Variants in GSTM3 observed in about 807,000 individuals in gnomAD.
GSTM3 encodes the protein GST class-mu 3.
In GSTM3, 34 loss-of-function variants were observed where a neutral mutation model predicts 36.1. That is an observed-to-expected ratio of 0.94 (90% CI 0.72 to 1.25). The LOEUF is 1.25. GSTM3 is among the 50% of genes most tolerant of loss of function. GSTM3 has a pLI of 0.00. For synonymous variants in GSTM3, 102 were observed against 99.5 expected (o/e 1.03, Z -0.15); for missense variants, 266 against 281.6 (o/e 0.94, Z 0.40).
chr1:109,737,144 A>G lies in GSTM3; in HGVS notation c.605T>C (p.Leu202Ser). 6.2e-7 allele frequency: 1 copy of G among 1,613,746 alleles called. No homozygotes were observed. Among genetic ancestry groups the G allele is most frequent in the Non-Finnish European group, 8.5e-7 (1 of 1,179,626 alleles). Reference sequence around the variant, plus strand: ...CATCTTGCAGAACTGATCAGACTGTAAGTAGGCAGCGATTTTCTCCAAAGC... The same window carrying G: ...CATCTTGCAGAACTGATCAGACTGTGAGTAGGCAGCGATTTTCTCCAAAGC... ...FEALEKIAAY[L>S]QSDQFCKMPI... The change falls in exon 9 of 9, where the codon TTA (leucine) becomes TCA (serine). Residue 202 changes from leucine to serine, a missense_variant. Leu to Ser is a moderately radical substitution (Grantham distance 145). Transcript: ENST00000361066.
intron 3 of GSTM3, 55 bp downstream of exon 3, chr1:109,739,778 G>T: frequency 1.5e-6 from 2 of 1,342,774 alleles, no homozygotes; most frequent in Non-Finnish European, 2.1e-6. Context: ...GGCGTAAGAA[G>T]ACCAGGGCAG....
chr1:109,738,479 T>G (rs1484024422), intron 4 of GSTM3, 113 bp from the exon 5 acceptor site: 3 of 705,146 alleles, frequency 4.3e-6, no homozygotes, highest in Non-Finnish European at 7.5e-6. Flanking sequence ...GAGAAGATGC[T>G]GTGTTAGGAG....
chr1:109,739,766 T>C (rs780815230), intron 3 of GSTM3, 67 bp downstream of exon 3: 1 of 1,245,764 alleles, frequency 8.0e-7, no homozygotes, highest in South Asian at 1.3e-5. Flanking sequence ...CACCACCCTC[T>C]GGGCGTAAGA....
At position 109,736,890 on chromosome 1, in the gene GSTM3, G is replaced by C; in HGVS notation, c.*181C>G. The C allele has an allele frequency of 1.8e-6, 1 of 569,400 alleles. No homozygotes were observed. Among genetic ancestry groups the C allele is most frequent in the East Asian group, 3.0e-5 (1 of 33,540 alleles). The allele number at this position is 569,400 out of a possible 1,614,324, so 35.3% of individuals were successfully genotyped here. A position where few individuals can be genotyped will look rare whatever the true frequency, so the allele number is the denominator to read the frequency against. ...AGTAGGGAAATGCCAGTATCGCAGC[G>C]ATTCAATTCATATCTTGATGATTCT... On this transcript the variant is annotated 3_prime_UTR_variant, in exon 9 of 9. Transcript: ENST00000361066.
rs761078903 is a variant in GSTM3, at chr1:109,737,353, T to A, written c.579+104A>T. The stretch of plus-strand genomic sequence containing the variant: ...AGGTCTAGAGGTGTCCAACCATTGA[T>A]CCCATTAGGCAAAAGCCGGGGAAGA... On this transcript the variant is annotated intron_variant, in intron 8 of 8. Coordinates refer to ENST00000361066, the MANE Select transcript of GSTM3 (RefSeq NM_000849.5). The A allele has an allele frequency of 1.4e-5, 12 of 870,728 alleles. No individual in the cohort carries two copies. In the African/African-American group the frequency reaches 2.0e-4, roughly 14 times the overall value. 53.9% of individuals were successfully genotyped at this position (870,728 alleles called of 1,614,324 possible).
chr1:109,734,085 A>G lies in GSTM3; in HGVS notation c.*2986T>C, dbSNP rs1649140599. On this transcript the variant is annotated 3_prime_UTR_variant, in exon 9 of 9. Coordinates refer to ENST00000361066, the MANE Select transcript of GSTM3 (RefSeq NM_000849.5). The stretch of plus-strand genomic sequence containing the variant: ...GTCTTCTGTGGGTTTTGCCCAGATG[A>G]GAGAAGTAACATTTTCTTCTTGGGG... 1 of 152,212 alleles carries G rather than the reference A, an allele frequency of 6.6e-6. No individual in the cohort carries two copies. Among genetic ancestry groups the G allele is most frequent in the Non-Finnish European group, 1.5e-5 (1 of 68,040 alleles). 9.4% of individuals were successfully genotyped at this position (152,212 alleles called of 1,614,324 possible). A position where few individuals can be genotyped will look rare whatever the true frequency, so the allele number is the denominator to read the frequency against.
intron 4 of GSTM3, 151 bp downstream of exon 4, chr1:109,739,278 C>A (rs184993934): frequency 3.8e-6 from 2 of 531,784 alleles, no homozygotes; most frequent in Admixed American, 2.5e-5. Flanking sequence ...AAATACATAT[C>A]CATCCAGTTC....
chr1:109,740,096 G>A, intron 2 of GSTM3, 144 bp downstream of exon 2: 1 of 910,444 alleles, frequency 1.1e-6, no homozygotes. Flanking sequence ...CCCAGAGGCT[G>A]GGCAGGGGTC....
At chr1:109,740,077 G>T in intron 2 of GSTM3, 163 bp downstream of exon 2, 2 of 876,346 alleles carry the variant, frequency 2.3e-6, no homozygotes, top group Non-Finnish European at 3.6e-6. Context: ...TCCCCACAGG[G>T]CCCGCGATCC....
At chr1:109,740,612 C>A in intron 1 of GSTM3, 101 bp from the exon 2 acceptor site, 1 of 378,432 alleles carries the variant, frequency 2.6e-6, no homozygotes, top group South Asian at 3.0e-5. Flanking sequence ...GCGAAAAGCA[C>A]CACTAGCCAG....
rs1649178341 is a variant in GSTM3 at position 109,735,643 on chromosome 1, T to TAG, written c.*1427_*1428insCT. ...TATGTCTCTTTGAATGTTTTTTTTT[T>TAG]TTTTTTTTTTTTTTTTTTGAGACAG... On this transcript the variant is annotated 3_prime_UTR_variant, in exon 9 of 9. Transcript: ENST00000361066. 2 of 137,044 alleles carry TAG rather than the reference T, an allele frequency of 1.5e-5. No individual in the cohort carries two copies. The highest frequency in any genetic ancestry group is 5.2e-4 in the South Asian group (2 of 3,852). The allele number at this position is 137,044 out of a possible 1,614,324, so 8.5% of individuals were successfully genotyped here. A position where few individuals can be genotyped will look rare whatever the true frequency, so the allele number is the denominator to read the frequency against.
Position 109,737,069 on chromosome 1 carries a change from G to A in GSTM3, c.*2C>T. The A allele has an allele frequency of 6.3e-7, 1 of 1,585,390 alleles. No homozygotes were observed. Among genetic ancestry groups the A allele is most frequent in the Non-Finnish European group, 8.7e-7 (1 of 1,153,828 alleles). Reference sequence around the variant, plus strand: ...AACAAGCTCTGCAAGTCTGCCTCCTGCTCAGCATACAGGCTTGTTGCCCCA... The same window carrying A: ...AACAAGCTCTGCAAGTCTGCCTCCTACTCAGCATACAGGCTTGTTGCCCCA... On this transcript the variant is annotated 3_prime_UTR_variant, in exon 9 of 9. Transcript: ENST00000361066.
intron 4 of GSTM3, among the ~76,000 whole-genome samples, chr1:109,738,911 A>G (rs1200009280): frequency 2.0e-5 from 3 of 152,086 alleles, no homozygotes; most frequent in African/African-American, 7.2e-5. Flanking sequence ...GTTTGAGCCC[A>G]GAAGTTCAGG....
intron 3 of GSTM3, 58 bp downstream of exon 3, chr1:109,739,772 TAAG>T (rs1220018313): frequency 3.1e-6 from 4 of 1,300,166 alleles, no homozygotes; most frequent in East Asian, 2.5e-5. Flanking sequence ...CCTCTGGGCG[TAAG>T]AAGACCAGGG....
intron 8 of GSTM3, 71 bp downstream of exon 8, chr1:109,737,386 A>T: frequency 2.0e-6 from 2 of 1,013,056 alleles, no homozygotes; most frequent in Non-Finnish European, 3.2e-6. Context: ...AGAATCCTCC[A>T]CTATGGGATC....
Position 109,738,045 on chromosome 1 carries a change from C to G in GSTM3, c.372+46G>C, listed in dbSNP as rs56289404. 2.3e-4 allele frequency: 295 copies of G among 1,291,184 alleles called. 5 individuals carry two copies. In the Admixed American group the frequency reaches 4.8e-3, roughly 21 times the overall value. The allele number at this position is 1,291,184 out of a possible 1,614,324, so 80.0% of individuals were successfully genotyped here. A position where few individuals can be genotyped will look rare whatever the true frequency, so the allele number is the denominator to read the frequency against. The stretch of plus-strand genomic sequence containing the variant: ...ATAACCCTTGGGTTCCTAAATACCC[C>G]TTTTTCTGATACTCCATTCAGCAGA... On this transcript the variant is annotated intron_variant, in intron 6 of 8. Coordinates refer to ENST00000361066, the MANE Select transcript of GSTM3 (RefSeq NM_000849.5).
At position 109,737,762 on chromosome 1, in the gene GSTM3, A is replaced by G; in HGVS notation, c.373-11T>C. 3 of 1,486,622 alleles carry G rather than the reference A, an allele frequency of 2.0e-6. No homozygotes were observed. Among genetic ancestry groups the G allele is most frequent in the Non-Finnish European group, 2.8e-6 (3 of 1,074,112 alleles). 92.1% of individuals were successfully genotyped at this position (1,486,622 alleles called of 1,614,324 possible). A position where few individuals can be genotyped will look rare whatever the true frequency, so the allele number is the denominator to read the frequency against. On this transcript the variant is annotated splice_polypyrimidine_tract_variant and intron_variant, in intron 6 of 8. Transcript: ENST00000361066. Reference sequence around the variant, plus strand: ...AGGCTTCAGTTTTTCCTGAGAGGAAAAAACAGAATGAGAATAGTGGTGATC... The same window carrying G: ...AGGCTTCAGTTTTTCCTGAGAGGAAGAAACAGAATGAGAATAGTGGTGATC...
chr1:109,738,373 G>A lies in GSTM3; in HGVS notation c.190-7C>T. ...CATCCAGGAGGTAGGGCAGCTGAAAGGAAAAGGACAGGACAAATGAACAAC... is the reference window on the plus strand; with the variant it reads ...CATCCAGGAGGTAGGGCAGCTGAAAAGAAAAGGACAGGACAAATGAACAAC... On this transcript the variant is annotated splice_region_variant and splice_polypyrimidine_tract_variant and intron_variant, in intron 4 of 8. Coordinates refer to ENST00000361066, the MANE Select transcript of GSTM3 (RefSeq NM_000849.5). 1 of 1,605,322 alleles carries A rather than the reference G, an allele frequency of 6.2e-7. No homozygotes were observed. The highest frequency in any genetic ancestry group is 8.5e-7 in the Non-Finnish European group (1 of 1,171,974).
Position 109,739,453 on chromosome 1 carries a change from G to T in GSTM3, c.165C>A (p.Phe55Leu), listed in dbSNP as rs747977133. 1 of 1,612,582 alleles carries T rather than the reference G, an allele frequency of 6.2e-7. No homozygotes were observed. The highest frequency in any genetic ancestry group is 1.3e-5 in the African/African-American group (1 of 74,900). ...CATTAGGAAAGTCCAGGTCTAGCTTGAATTTCACATCCAGCCATTGGCTTC... is the reference window on the plus strand; with the variant it reads ...CATTAGGAAAGTCCAGGTCTAGCTTTAATTTCACATCCAGCCATTGGCTTC... Reference protein sequence around the residue: ...YDRSQWLDVKFKLDLDFPNLP... With the variant: ...YDRSQWLDVKLKLDLDFPNLP... The change falls in exon 4 of 9, where the codon TTC (phenylalanine) becomes TTA (leucine). Residue 55 changes from phenylalanine (F) to leucine (L), a missense_variant. Physicochemically the swap from Phe to Leu is conservative, Grantham distance 22. Transcript: ENST00000361066.
Sources: allele counts gnomAD v4.1 joint callset (sites outside exome capture counted in the v4.1 genomes callset), GRCh38; gene constraint gnomAD v4.1.1; transcripts MANE v1.5; gene names NCBI Gene and HGNC (gene_info 2026-07-23, HGNC 2026-07-21).